SETD4: variants seen among roughly 807,000 people sequenced by gnomAD.
SETD4 encodes the protein SET domain-containing protein 4.
Under a neutral mutation model 58.3 loss-of-function variants are expected in SETD4, and 46 were observed. That is an observed-to-expected ratio of 0.79 (90% confidence interval 0.62 to 1.01). SETD4 has a LOEUF of 1.01. SETD4 is among the 50% of genes least tolerant of loss of function. The pLI, the probability that SETD4 is intolerant of heterozygous loss-of-function variation, is 0.00. For missense variants in SETD4, 490 were observed against 523.3 expected (o/e 0.94, Z 0.62); for synonymous variants, 190 against 202.6 (o/e 0.94, Z 0.53).
At chr21:36,040,712 TAGC>T in intron 8 of SETD4, 57 bp from the exon 9 acceptor site, 1 of 1,482,094 alleles carries the variant, frequency 6.7e-7, no homozygotes, top group Non-Finnish European at 9.4e-7. Flanking sequence ...CATGACCTCA[TAGC>T]AAATGACTGA....
In SETD4 at chr21:36,050,486, T is replaced by A. The variant is rs2123697283; in HGVS notation, c.208-2090A>T. On this transcript the variant is annotated intron_variant, in intron 4 of 11. Transcript: ENST00000332131. Reference sequence around the variant, plus strand: ...GGGTGCAAAGTGATAGTGACATCACTGTTTTGCGCCATCTAGAGAAGATGG... The same window carrying A: ...GGGTGCAAAGTGATAGTGACATCACAGTTTTGCGCCATCTAGAGAAGATGG... 5 of 1,614,000 alleles carry A rather than the reference T, an allele frequency of 3.1e-6. No homozygotes were observed. In the East Asian group the frequency reaches 8.9e-5, roughly 29 times the overall value.
chr21:36,046,622 C>A (rs2064344118), intron 5 of SETD4, among the ~76,000 whole-genome samples: 2 of 152,226 alleles, frequency 1.3e-5, no homozygotes, highest in Admixed American at 6.5e-5. Flanking sequence ...AGGGCACCAA[C>A]CTAAACCAAA....
chr21:36,043,096 T>C (rs112803103), intron 7 of SETD4: 6,403 of 152,292 alleles, frequency 0.042, 204 homozygotes, highest in African/African-American at 0.089. Context: ...ACCCCGTCTC[T>C]ACTAAAATTA....
intron 5 of SETD4, 125 bp from the exon 6 acceptor site, chr21:36,046,136 G>GACT (rs2064317657): frequency 3.0e-6 from 3 of 998,370 alleles, no homozygotes; most frequent in Non-Finnish European, 2.9e-6. Context: ...TTACTTAACA[G>GACT]ACTCAAGAGT....
Position 36,036,072 on chromosome 21 carries a change from G to C in SETD4, c.*32+13C>G, listed in dbSNP as rs779842645. On this transcript the variant is annotated intron_variant, in intron 11 of 11. Transcript: ENST00000332131. ...CATCAAACCTTAGTCTAAAATGTGTGACTAACACCCACCAGAGGAGGTGAC... is the reference window on the plus strand; with the variant it reads ...CATCAAACCTTAGTCTAAAATGTGTCACTAACACCCACCAGAGGAGGTGAC... 5 of 1,613,376 alleles carry C rather than the reference G, an allele frequency of 3.1e-6. No individual in the cohort carries two copies. The Admixed American group carries it at 8.4e-5, about 27-fold the overall frequency.
chr21:36,048,251 T>A, intron 5 of SETD4, 57 bp downstream of exon 5: 6 of 1,396,068 alleles, frequency 4.3e-6, no homozygotes, highest in Non-Finnish European at 6.1e-6. Flanking sequence ...ATATTTGCCA[T>A]TGACAGACCT....
intron 10 of SETD4, 59 bp from the exon 11 acceptor site, chr21:36,036,310 AACGT>A (rs68024241): frequency 0.73 from 1,032,209 of 1,417,004 alleles, 379,924 homozygotes; most frequent in South Asian, 0.83. Context: ...TATTTCACAG[AACGT>A]ACGTACCTTT....
At position 36,036,104 on chromosome 21, in the gene SETD4, C is replaced by T. The variant is rs779217837; in HGVS notation, c.*13G>A. 1.5e-5 allele frequency: 25 copies of T among 1,613,994 alleles called. 1 individual carries two copies. The highest frequency in any genetic ancestry group is 1.4e-4 in the South Asian group (13 of 91,078). The stretch of plus-strand genomic sequence containing the variant: ...ACCCACCAGAGGAGGTGACCAAATG[C>T]GCTTCGGTGAAATCAGGTAAAAGCT... On this transcript the variant is annotated 3_prime_UTR_variant, in exon 11 of 12. Coordinates refer to ENST00000332131, the MANE Select transcript of SETD4 (RefSeq NM_017438.5).
At chr21:36,043,448 C>T (rs1601219358) in intron 7 of SETD4, 2 of 1,063,532 alleles carry the variant, frequency 1.9e-6, no homozygotes, top group East Asian at 1.4e-4. Context: ...CTCTCTAATC[C>T]TATTTTCTTT....
intron 4 of SETD4, chr21:36,050,934 T>A: frequency 6.2e-7 from 1 of 1,610,300 alleles, no homozygotes; most frequent in Non-Finnish European, 8.5e-7. Flanking sequence ...GATGATGTGT[T>A]CATTGAGTGA....
intron 3 of SETD4, among the ~76,000 whole-genome samples, chr21:36,053,927 C>G (rs965452007): frequency 6.6e-6 from 1 of 152,234 alleles, no homozygotes; most frequent in Non-Finnish European, 1.5e-5. Flanking sequence ...ACTCTCTCCA[C>G]TGGGGCCTAC....
intron 6 of SETD4, 76 bp downstream of exon 6, chr21:36,045,506 A>T: frequency 6.5e-7 from 1 of 1,541,456 alleles, no homozygotes; most frequent in Non-Finnish European, 8.8e-7. Flanking sequence ...TGCCACCCAC[A>T]TCTACAGCCA....
intron 2 of SETD4, 78 bp from the exon 3 acceptor site, chr21:36,057,282 A>T (rs1270128092): frequency 9.4e-7 from 1 of 1,059,978 alleles, no homozygotes; most frequent in African/African-American, 1.6e-5. Flanking sequence ...AACATGTCTG[A>T]TGAAATGTGT....
intron 3 of SETD4, among the ~76,000 whole-genome samples, chr21:36,054,779 T>C (rs942951556): frequency 6.7e-6 from 1 of 150,062 alleles, no homozygotes; most frequent in East Asian, 2.0e-4. Context: ...CAGGTTGGAT[T>C]TGATGCTCCT....
At chr21:36,059,757 CAA>C in intron 1 of SETD4, 1 of 985,292 alleles carries the variant, frequency 1.0e-6, no homozygotes, top group Non-Finnish European at 1.2e-6. Flanking sequence ...CAGAAATGAG[CAA>C]GAGACAAGAA....
chr21:36,043,496 C>A (rs943802818), intron 7 of SETD4: 3 of 1,204,130 alleles, frequency 2.5e-6, no homozygotes, highest in Non-Finnish European at 3.1e-6. Flanking sequence ...ACATTTCCAT[C>A]CTTTAATACT....
intron 7 of SETD4, chr21:36,042,220 T>G (rs1226421554): frequency 1.8e-5 from 3 of 169,602 alleles, no homozygotes; most frequent in African/African-American, 7.2e-5. Context: ...GTAGAGGCCC[T>G]GCAAAAACAT....
chr21:36,050,321 T>C, intron 4 of SETD4: 3 of 1,612,538 alleles, frequency 1.9e-6, no homozygotes, highest in Non-Finnish European at 2.5e-6. Flanking sequence ...CCAAATGTTG[T>C]GAGGAGGAAC....
chr21:36,035,773 G>A lies in SETD4; in HGVS notation c.*220C>T, dbSNP rs16993814. The A allele has an allele frequency of 0.022, 6,093 of 282,410 alleles. 126 individuals are homozygous for A. The highest frequency in any genetic ancestry group is 0.067 in the African/African-American group (2,932 of 43,762). 17.5% of individuals were successfully genotyped at this position (282,410 alleles called of 1,614,324 possible). A position where few individuals can be genotyped will look rare whatever the true frequency, so the allele number is the denominator to read the frequency against. The stretch of plus-strand genomic sequence containing the variant: ...CTGGCTCCTGGCTGCCTCACAGTCC[G>A]CCTCTCTCCTCACAGTTCAGCACTT... On this transcript the variant is annotated 3_prime_UTR_variant, in exon 12 of 12. Transcript: ENST00000332131.
Sources: allele counts gnomAD v4.1 joint callset (sites outside exome capture counted in the v4.1 genomes callset), GRCh38; gene constraint gnomAD v4.1.1; transcripts MANE v1.5; gene names NCBI Gene and HGNC (gene_info 2026-07-23, HGNC 2026-07-21).